Variants in PPP3CA observed in about 807,000 individuals in gnomAD.
PPP3CA encodes CAM-PRP catalytic subunit.
Under a neutral mutation model 66.5 loss-of-function variants are expected in PPP3CA, and 14 were observed. That is an observed-to-expected ratio of 0.21 (90% CI 0.14 to 0.33). The LOEUF (loss-of-function observed/expected upper bound fraction) is 0.33, where lower values mean the gene tolerates loss of function less well. Among genes scored for constraint, PPP3CA ranks in the 10% least tolerant of loss-of-function variants. The pLI is 1.00. For synonymous variants in PPP3CA, 232 were observed against 226.2 expected, an observed-to-expected ratio of 1.03 and a Z score of -0.23; for missense variants, 317 against 639.5, an observed-to-expected ratio of 0.50 and a Z score of 5.44.
intron 10 of PPP3CA, among the ~76,000 whole-genome samples, chr4:101,054,765 T>C (rs1000238376): frequency 1.3e-5 from 2 of 152,068 alleles, no homozygotes; most frequent in Admixed American, 1.3e-4. Context: ...GATGGTTTCA[T>C]AGAGGCATGC....
At chr4:101,076,558 T>G (rs1365760800) in intron 8 of PPP3CA, among the ~76,000 whole-genome samples, 1 of 152,178 alleles carries the variant, frequency 6.6e-6, no homozygotes, top group South Asian at 2.1e-4. Context: ...AAACGCAGAC[T>G]GGAGTGGGTC....
intron 1 of PPP3CA, among the ~76,000 whole-genome samples, chr4:101,309,797 C>T (rs563068687): frequency 5.6e-4 from 85 of 152,242 alleles, no homozygotes; most frequent in Non-Finnish European, 9.6e-4. Flanking sequence ...ACGTGTGATA[C>T]AATGGAATGT....
At chr4:101,191,178 C>T (rs557150946) in intron 2 of PPP3CA, among the ~76,000 whole-genome samples, 2 of 152,260 alleles carry the variant, frequency 1.3e-5, no homozygotes, top group African/African-American at 2.4e-5. Flanking sequence ...CTACTCCAGA[C>T]CTACTAAATC....
chr4:101,306,158 T>C (rs1728529799), intron 1 of PPP3CA, among the ~76,000 whole-genome samples: 1 of 152,196 alleles, frequency 6.6e-6, no homozygotes, highest in Non-Finnish European at 1.5e-5. Flanking sequence ...ATCTATTGTT[T>C]GGCTAGCTTA....
At chr4:101,188,207 G>C (rs1332593651) in intron 2 of PPP3CA, among the ~76,000 whole-genome samples, 1 of 151,954 alleles carries the variant, frequency 6.6e-6, no homozygotes, top group Non-Finnish European at 1.5e-5. Context: ...ATACTATCTT[G>C]AATATGACAA....
rs568802034 is a variant in PPP3CA at position 101,228,905 on chromosome 4, G to A, written c.59-32789C>T. Among the ~76,000 whole-genome samples the A allele has an allele frequency of 1.3e-4, 19 of 151,788 alleles. No homozygotes were observed. The East Asian group carries it at 3.7e-3, about 30-fold the overall frequency. ...AAGTTTAGTTGGTGCTGTCCCAGTA[G>A]ATACTGGTTTTGATTTTCCAATTAA... On this transcript the variant is annotated intron_variant, in intron 1 of 13. Coordinates refer to ENST00000394854, the MANE Select transcript of PPP3CA (RefSeq NM_000944.5).
intron 2 of PPP3CA, among the ~76,000 whole-genome samples, chr4:101,130,708 AC>A (rs1314994522): frequency 2.0e-5 from 3 of 152,204 alleles, no homozygotes; most frequent in Non-Finnish European, 4.4e-5. Context: ...TTCTGTCACT[AC>A]CAGGCCTGCC....
chr4:101,322,882 G>C (rs1468028714), intron 1 of PPP3CA, among the ~76,000 whole-genome samples: 1 of 151,916 alleles, frequency 6.6e-6, no homozygotes, highest in Non-Finnish European at 1.5e-5. Context: ...ATTTTGAAGA[G>C]ACATAAAAAT....
chr4:101,173,468 T>C (rs1428303143), intron 2 of PPP3CA, among the ~76,000 whole-genome samples: 1 of 152,096 alleles, frequency 6.6e-6, no homozygotes, highest in Non-Finnish European at 1.5e-5. Context: ...GCCCTAGCAA[T>C]TGACATTTTT....
chr4:101,114,381 G>A (rs763855123), intron 2 of PPP3CA, among the ~76,000 whole-genome samples: 1 of 151,932 alleles, frequency 6.6e-6, no homozygotes, highest in Non-Finnish European at 1.5e-5. Flanking sequence ...AAATATTGAT[G>A]GTTATTTTCC....
At chr4:101,310,722 A>C (rs1290440906) in intron 1 of PPP3CA, among the ~76,000 whole-genome samples, 2 of 152,220 alleles carry the variant, frequency 1.3e-5, no homozygotes, top group Non-Finnish European at 2.9e-5. Context: ...AATTTTGAAA[A>C]GTGAAACTAC....
At chr4:101,122,052 C>T (rs2110274000) in intron 2 of PPP3CA, among the ~76,000 whole-genome samples, 1 of 152,278 alleles carries the variant, frequency 6.6e-6, no homozygotes, top group African/African-American at 2.4e-5. Context: ...ACTTTACTCC[C>T]TGTTCCCTGC....
chr4:101,106,429 GAAAGAAAGAAAGAAAGAAAGAAAGA>G (rs1730701759), intron 3 of PPP3CA, among the ~76,000 whole-genome samples: 2 of 11,046 alleles, frequency 1.8e-4, no homozygotes, highest in African/African-American at 3.0e-4. Context: ...AAGAAAGAAA[GAAAGAAAGAAAGAAAGAAAGAAAGA>G]GAAAAGAAAA....
intron 1 of PPP3CA, among the ~76,000 whole-genome samples, chr4:101,250,746 T>A (rs1726647846): frequency 6.6e-6 from 1 of 152,176 alleles, no homozygotes; most frequent in Non-Finnish European, 1.5e-5. Context: ...TCAATTTTTT[T>A]CTTCCCTGAG....
chr4:101,269,259 A>G (rs1236114543), intron 1 of PPP3CA, among the ~76,000 whole-genome samples: 1 of 152,094 alleles, frequency 6.6e-6, no homozygotes, highest in Admixed American at 6.6e-5. Flanking sequence ...TCATCTTTCC[A>G]GAAGCCTAGC....
intron 1 of PPP3CA, among the ~76,000 whole-genome samples, chr4:101,346,159 T>C (rs1729982908): frequency 6.7e-6 from 1 of 149,986 alleles, no homozygotes; most frequent in African/African-American, 2.5e-5. Flanking sequence ...TCCCGCTCTC[T>C]CGCGAGTCCT....
chr4:101,102,962 T>C (rs1280531053), intron 3 of PPP3CA, among the ~76,000 whole-genome samples: 1 of 152,188 alleles, frequency 6.6e-6, no homozygotes, highest in African/African-American at 2.4e-5. Context: ...ATTTACACTT[T>C]AAGGTTAGTT....
At chr4:101,097,595 C>A (rs1321987094) in intron 5 of PPP3CA, among the ~76,000 whole-genome samples, 2 of 152,038 alleles carry the variant, frequency 1.3e-5, no homozygotes, top group East Asian at 3.9e-4. Flanking sequence ...GATTTTGGCA[C>A]CAAGAAAAAT....
chr4:101,139,966 G>C (rs545685004), intron 2 of PPP3CA, among the ~76,000 whole-genome samples: 4 of 151,852 alleles, frequency 2.6e-5, no homozygotes, highest in South Asian at 4.2e-4. Flanking sequence ...GTGGCAAAAA[G>C]GCATTACCAT....
Sources: gnomAD v4.1 joint callset for allele counts (sites outside exome capture counted in the v4.1 genomes callset) on GRCh38, gnomAD v4.1.1 for gene constraint, MANE v1.5 for transcripts, NCBI Gene and HGNC (gene_info 2026-07-23, HGNC 2026-07-21) for gene names.